TENM2: variants seen among roughly 807,000 people sequenced by gnomAD.
TENM2 encodes teneurin-2.
A neutral mutation model predicts 245.2 loss-of-function variants in TENM2; 52 were observed. The observed-to-expected ratio is 0.21, with a 90% CI of 0.17 to 0.27. TENM2 has a LOEUF of 0.27. Ranked by LOEUF, TENM2 falls within the 10% of genes least tolerant of loss-of-function variation. The probability of loss-of-function intolerance (pLI) is 1.00; values close to 1 mark genes in which losing one functional copy is unlikely to be tolerated. For missense variants in TENM2, 3,046 were observed against 3,666.8 expected (o/e 0.83, Z 4.37); for synonymous variants, 1,363 against 1,438.9 (o/e 0.95, Z 1.19).
chr5:168,023,256 T>C (rs1178319786), intron 5 of TENM2, among the ~76,000 whole-genome samples: 1 of 152,188 alleles, frequency 6.6e-6, no homozygotes, highest in East Asian at 1.9e-4. Context: ...TGCTTTGAAA[T>C]TGGATATTCA....
chr5:167,216,875 C>T, the TENM2 span, among the ~76,000 whole-genome samples: 5 of 151,678 alleles, frequency 3.3e-5, no homozygotes, highest in East Asian at 1.9e-4. Flanking sequence ...TGCAGTAAGT[C>T]GAGATCGCAC....
At chr5:167,669,873 T>TA (rs1755822347) in intron 2 of TENM2, among the ~76,000 whole-genome samples, 1 of 151,772 alleles carries the variant, frequency 6.6e-6, no homozygotes, top group Admixed American at 6.6e-5. Flanking sequence ...TTTTTTTTTT[T>TA]AAATAAAAGA....
the TENM2 span, among the ~76,000 whole-genome samples, chr5:167,036,490 A>G: frequency 2.2e-4 from 34 of 152,342 alleles, no homozygotes; most frequent in Middle Eastern, 3.4e-3. Context: ...CAATACAACA[A>G]TTATCACATT....
At chr5:167,862,157 A>C (rs1771873457) in intron 2 of TENM2, among the ~76,000 whole-genome samples, 1 of 152,132 alleles carries the variant, frequency 6.6e-6, no homozygotes, top group Admixed American at 6.5e-5. Flanking sequence ...AAAGTGAGGA[A>C]GGCATTATTT....
intron 5 of TENM2, among the ~76,000 whole-genome samples, chr5:168,023,354 G>A (rs945823393): frequency 5.3e-5 from 8 of 152,286 alleles, no homozygotes; most frequent in East Asian, 3.9e-4. Context: ...TCCAGGCCGC[G>A]GACTAGCAAA....
chr5:167,993,838 G>A (rs1783850945), intron 5 of TENM2, among the ~76,000 whole-genome samples: 1 of 152,212 alleles, frequency 6.6e-6, no homozygotes, highest in Non-Finnish European at 1.5e-5. Flanking sequence ...CTGGCAACTG[G>A]GCTTCTGGTG....
At chr5:167,164,681 T>C in the TENM2 span, among the ~76,000 whole-genome samples, 2 of 152,188 alleles carry the variant, frequency 1.3e-5, no homozygotes, top group African/African-American at 2.4e-5. Context: ...CTGATAAAAG[T>C]CATGAGCAGA....
chr5:167,690,881 G>A (rs559870080), intron 2 of TENM2, among the ~76,000 whole-genome samples: 170 of 148,740 alleles, frequency 1.1e-3, no homozygotes, highest in Non-Finnish European at 1.7e-3. Context: ...GTATATATTC[G>A]TATATATGTA....
intron 8 of TENM2, among the ~76,000 whole-genome samples, chr5:168,093,672 A>G (rs1229884429): frequency 6.6e-6 from 1 of 152,246 alleles, no homozygotes; most frequent in Non-Finnish European, 1.5e-5. Context: ...GCTTTCTGGA[A>G]GCACGATGCC....
At chr5:168,012,661 C>CAA (rs1190738141) in intron 5 of TENM2, among the ~76,000 whole-genome samples, 4 of 106,604 alleles carry the variant, frequency 3.8e-5, no homozygotes, top group African/African-American at 7.0e-5. Context: ...AAAAAAAAAA[C>CAA]AAAAAAAAAA....
the TENM2 span, among the ~76,000 whole-genome samples, chr5:167,064,720 T>G: frequency 2.0e-5 from 3 of 152,210 alleles, no homozygotes; most frequent in African/African-American, 7.2e-5. Context: ...GAAGTATCCT[T>G]ACAGTTATTG....
chr5:168,219,492 G>A (rs79473492), intron 23 of TENM2, among the ~76,000 whole-genome samples: 5 of 152,222 alleles, frequency 3.3e-5, no homozygotes, highest in East Asian at 1.9e-4. Context: ...TAAAAGATGC[G>A]AGAGCTGGTC....
intron 2 of TENM2, among the ~76,000 whole-genome samples, chr5:167,597,707 TCA>T (rs1356985934): frequency 1.3e-5 from 2 of 151,910 alleles, no homozygotes; most frequent in African/African-American, 4.8e-5. Flanking sequence ...ATTTGTTTTG[TCA>T]CACTTTAATA....
At chr5:168,075,102 CT>C (rs1401481459) in intron 7 of TENM2, among the ~76,000 whole-genome samples, 1 of 152,162 alleles carries the variant, frequency 6.6e-6, no homozygotes, top group Non-Finnish European at 1.5e-5. Context: ...ACCCTTTCCC[CT>C]GAGGCCCCAA....
At chr5:167,035,267 A>G in the TENM2 span, among the ~76,000 whole-genome samples, 99 of 152,302 alleles carry the variant, frequency 6.5e-4, no homozygotes, top group Non-Finnish European at 1.3e-3. Flanking sequence ...ATGGTAGTTA[A>G]CTTCATATGA....
At chr5:167,477,280 A>G (rs1444451447) in intron 2 of TENM2, among the ~76,000 whole-genome samples, 2 of 151,088 alleles carry the variant, frequency 1.3e-5, no homozygotes, top group African/African-American at 4.9e-5. Flanking sequence ...AAAAAAAAAA[A>G]AATACCATGA....
intron 19 of TENM2, among the ~76,000 whole-genome samples, chr5:168,209,427 A>G (rs1581639751): frequency 1.3e-5 from 2 of 152,316 alleles, no homozygotes; most frequent in South Asian, 4.1e-4. Flanking sequence ...TTCCTCAAAG[A>G]CATTCCTATT....
At chr5:167,627,646 C>T (rs190594093) in intron 2 of TENM2, among the ~76,000 whole-genome samples, 2 of 151,994 alleles carry the variant, frequency 1.3e-5, no homozygotes, top group Admixed American at 1.3e-4. Flanking sequence ...CAACCTCCAC[C>T]TCCCAGGTTC....
At chr5:167,636,484 A>C (rs1281171001) in intron 2 of TENM2, among the ~76,000 whole-genome samples, 3 of 152,224 alleles carry the variant, frequency 2.0e-5, no homozygotes, top group African/African-American at 7.2e-5. Context: ...GAAGTGGAAA[A>C]GTAGATTTAA....
Sources: gnomAD v4.1 joint callset for allele counts (sites outside exome capture counted in the v4.1 genomes callset) on GRCh38, gnomAD v4.1.1 for gene constraint, MANE v1.5 for transcripts, NCBI Gene and HGNC (gene_info 2026-07-23, HGNC 2026-07-21) for gene names.